Variants in PTPRM observed in about 807,000 individuals in gnomAD.
PTPRM encodes the protein receptor-type tyrosine-protein phosphatase mu.
In PTPRM, 47 loss-of-function variants were observed where a neutral mutation model predicts 186.7. The ratio of observed to expected loss-of-function variants is 0.25; its 90% CI spans 0.20 to 0.32. PTPRM has a LOEUF of 0.32. PTPRM is among the 10% of genes least tolerant of loss of function. The probability of loss-of-function intolerance (pLI) is 1.00; values close to 1 mark genes in which losing one functional copy is unlikely to be tolerated. For synonymous variants in PTPRM, 668 were observed against 674.9 expected (o/e 0.99, Z 0.16); for missense variants, 1,494 against 1,865.0 (o/e 0.80, Z 3.66).
chr18:8,257,194 C>T (rs1266280693), intron 19 of PTPRM, among the ~76,000 whole-genome samples: 1 of 152,158 alleles, frequency 6.6e-6, no homozygotes, highest in Non-Finnish European at 1.5e-5. Context: ...GGGAGCTGAC[C>T]AAGAGAAGGT....
chr18:7,631,973 G>A (rs187628100), intron 1 of PTPRM, among the ~76,000 whole-genome samples: 121 of 152,298 alleles, frequency 7.9e-4, no homozygotes, highest in Admixed American at 2.1e-3. Context: ...AAATCACAGG[G>A]TGCAGATATA....
chr18:7,787,723 G>T (rs1427611808), intron 2 of PTPRM, among the ~76,000 whole-genome samples: 5 of 152,196 alleles, frequency 3.3e-5, no homozygotes, highest in Non-Finnish European at 4.4e-5. Flanking sequence ...TTTTGGAGTT[G>T]TTGAATGGTT....
chr18:8,103,918 A>AT (rs2091403447), intron 11 of PTPRM, among the ~76,000 whole-genome samples: 1 of 152,138 alleles, frequency 6.6e-6, no homozygotes, highest in African/African-American at 2.4e-5. Context: ...AGGCCATTGT[A>AT]TGGTTATCAT....
At chr18:8,314,331 A>G (rs2095292415) in intron 20 of PTPRM, among the ~76,000 whole-genome samples, 1 of 152,130 alleles carries the variant, frequency 6.6e-6, no homozygotes, top group South Asian at 2.1e-4. Context: ...GGAACTCACC[A>G]GTGACTAAGG....
intron 6 of PTPRM, among the ~76,000 whole-genome samples, chr18:7,950,941 G>A (rs2052909522): frequency 6.6e-6 from 1 of 152,156 alleles, no homozygotes; most frequent in Non-Finnish European, 1.5e-5. Flanking sequence ...CACTGCCAGT[G>A]TTAGTTAGTC....
At chr18:7,705,509 T>C (rs1322955103) in intron 1 of PTPRM, among the ~76,000 whole-genome samples, 1 of 152,062 alleles carries the variant, frequency 6.6e-6, no homozygotes, top group Non-Finnish European at 1.5e-5. Flanking sequence ...TGGATTATAA[T>C]GTTATATAAG....
At chr18:7,914,316 C>CTAAAAGTTATTTAT (rs2050431031) in intron 4 of PTPRM, among the ~76,000 whole-genome samples, 3 of 152,060 alleles carry the variant, frequency 2.0e-5, no homozygotes, top group Non-Finnish European at 4.4e-5. Context: ...GTAGTGGCTA[C>CTAAAAGTTATTTAT]CTTAGTTTTC....
chr18:8,375,952 C>G, intron 24 of PTPRM, 94 bp from the exon 25 acceptor site: 1 of 1,353,644 alleles, frequency 7.4e-7, no homozygotes, highest in African/African-American at 1.4e-5. Flanking sequence ...GACTTGCTAC[C>G]TGGGGACTGT....
intron 1 of PTPRM, among the ~76,000 whole-genome samples, chr18:7,587,649 C>CTATGAAGAA (rs1177656588): frequency 2.0e-5 from 3 of 151,736 alleles, no homozygotes; most frequent in Admixed American, 6.6e-5. Flanking sequence ...TTGTTTAACC[C>CTATGAAGAA]AGAAATATGA....
At chr18:7,653,906 A>G (rs545890884) in intron 1 of PTPRM, among the ~76,000 whole-genome samples, 1 of 152,270 alleles carries the variant, frequency 6.6e-6, no homozygotes, top group South Asian at 2.1e-4. Context: ...GCTTTCCACA[A>G]TGGCTGAACT....
At chr18:7,956,161 T>C (rs2053294480) in intron 7 of PTPRM, among the ~76,000 whole-genome samples, 1 of 152,184 alleles carries the variant, frequency 6.6e-6, no homozygotes, top group Non-Finnish European at 1.5e-5. Context: ...CTCTTTTGTC[T>C]TGTAAATGAG....
intron 7 of PTPRM, among the ~76,000 whole-genome samples, chr18:8,052,813 A>G (rs945293240): frequency 6.6e-6 from 1 of 152,202 alleles, no homozygotes; most frequent in Admixed American, 6.5e-5. Flanking sequence ...TGTATAACAC[A>G]TTGCATTGAT....
chr18:7,826,272 G>A (rs1297198040), intron 2 of PTPRM, among the ~76,000 whole-genome samples: 1 of 152,214 alleles, frequency 6.6e-6, no homozygotes, highest in Non-Finnish European at 1.5e-5. Context: ...ATATGATGAA[G>A]TATTTAAATT....
intron 2 of PTPRM, among the ~76,000 whole-genome samples, chr18:7,831,878 G>A (rs542783507): frequency 6.2e-4 from 95 of 152,194 alleles, no homozygotes; most frequent in African/African-American, 2.1e-3. Flanking sequence ...AACATGTAAG[G>A]TTTTTCTTTC....
chr18:8,044,171 T>A (rs2086868857), intron 7 of PTPRM, among the ~76,000 whole-genome samples: 1 of 152,184 alleles, frequency 6.6e-6, no homozygotes, highest in African/African-American at 2.4e-5. Flanking sequence ...TGAGGCCTAG[T>A]CAACAAGAGA....
chr18:7,836,465 T>C (rs1431405514), intron 2 of PTPRM, among the ~76,000 whole-genome samples: 2 of 152,178 alleles, frequency 1.3e-5, no homozygotes, highest in Non-Finnish European at 1.5e-5. Flanking sequence ...TTTTATTGGT[T>C]CATTGTTAAT....
intron 7 of PTPRM, among the ~76,000 whole-genome samples, chr18:8,047,663 ATCCCCAATAGTGC>A (rs2087158642): frequency 6.6e-6 from 1 of 152,004 alleles, no homozygotes; most frequent in African/African-American, 2.4e-5. Flanking sequence ...CCTTACCCTC[ATCCCCAATAGTGC>A]TCCCCAGCCT....
intron 2 of PTPRM, 129 bp from the exon 3 acceptor site, chr18:7,887,977 G>T (rs1366614476): frequency 2.8e-6 from 3 of 1,056,404 alleles, no homozygotes; most frequent in Non-Finnish European, 4.4e-6. Context: ...AGGAATGGAA[G>T]AAATGGCAGT....
At chr18:8,212,649 T>A (rs1053139951) in intron 14 of PTPRM, among the ~76,000 whole-genome samples, 61 of 150,862 alleles carry the variant, frequency 4.0e-4, no homozygotes, top group Non-Finnish European at 5.3e-4. Flanking sequence ...TGCAAAAAAA[T>A]TTTTTTAATT....
Sources: allele counts gnomAD v4.1 joint callset (sites outside exome capture counted in the v4.1 genomes callset), GRCh38; gene constraint gnomAD v4.1.1; transcripts MANE v1.5; gene names NCBI Gene and HGNC (gene_info 2026-07-23, HGNC 2026-07-21).